LRMDA: variants seen among roughly 807,000 people sequenced by gnomAD.
LRMDA encodes the protein leucine-rich melanocyte differentiation-associated protein.
A neutral mutation model predicts 29.8 loss-of-function variants in LRMDA; 18 were observed. The ratio of observed to expected loss-of-function variants is 0.60; its 90% CI spans 0.42 to 0.90. The LOEUF (loss-of-function observed/expected upper bound fraction) is 0.90, where lower values mean the gene tolerates loss of function less well. Ranked by LOEUF, LRMDA falls within the 40% of genes least tolerant of loss-of-function variation. The pLI is 0.00. For missense variants in LRMDA, 273 were observed against 273.9 expected (o/e 1.00, Z 0.02); for synonymous variants, 125 against 109.4 (o/e 1.14, Z -0.89).
rs1291227122 is a variant in LRMDA at position 76,324,442 on chromosome 10, C to A, written c.558C>A (p.Tyr186Ter). 4 of 1,614,006 alleles carry A rather than the reference C, an allele frequency of 2.5e-6. No individual in the cohort carries two copies. The highest frequency in any genetic ancestry group is 1.7e-5 in the Admixed American group (1 of 59,998). Reference sequence around the variant, plus strand: ...TTGCCAGCTCCCCGGAGCGCCACTACACGCCCTTGCCTTCTGCTTCCAGGG... The same window carrying A: ...TTGCCAGCTCCCCGGAGCGCCACTAAACGCCCTTGCCTTCTGCTTCCAGGG... ...EDVASSPERH[Y>*]TPLPSASREL... The change falls in exon 6 of 7, where the codon TAC (tyrosine) becomes TAA (stop). Residue 186 changes from tyrosine (Y) to a stop codon, truncating the protein, a stop_gained. Transcript: ENST00000611255. LOFTEE classifies it high-confidence loss of function.
chr10:75,462,338 G>A lies in LRMDA; in HGVS notation c.131+23844G>A, dbSNP rs180964855. On this transcript the variant is annotated intron_variant, in intron 2 of 6. Coordinates refer to ENST00000611255, the MANE Select transcript of LRMDA (RefSeq NM_001305581.2). Reference sequence around the variant, plus strand: ...TAATTGACAAATGAGTGTCACAAATGTGAATTGGTGCCTTTACATCAGCGG... The same window carrying A: ...TAATTGACAAATGAGTGTCACAAATATGAATTGGTGCCTTTACATCAGCGG... Among the ~76,000 whole-genome samples, 5 of 152,314 alleles carry A rather than the reference G, an allele frequency of 3.3e-5. No homozygotes were observed. The South Asian group carries it at 6.2e-4, about 19-fold the overall frequency.
intron 2 of LRMDA, among the ~76,000 whole-genome samples, chr10:75,572,056 C>T (rs1441007427): frequency 1.3e-5 from 2 of 152,092 alleles, no homozygotes; most frequent in East Asian, 1.9e-4. Context: ...CGGGTTCAAG[C>T]GATTCTCTTG....
At chr10:76,130,994 A>G (rs1417002967) in intron 5 of LRMDA, among the ~76,000 whole-genome samples, 2 of 152,180 alleles carry the variant, frequency 1.3e-5, no homozygotes, top group Non-Finnish European at 2.9e-5. Flanking sequence ...ATGCAAGTGG[A>G]GTAATCTTCC....
chr10:76,406,574 G>A (rs763427969), intron 6 of LRMDA, among the ~76,000 whole-genome samples: 2 of 152,158 alleles, frequency 1.3e-5, no homozygotes, highest in Non-Finnish European at 2.9e-5. Flanking sequence ...AGGTGAAAAG[G>A]TGACCACAGT....
Position 75,841,040 on chromosome 10 carries a change from C to T in LRMDA, c.132-194968C>T, listed in dbSNP as rs149483061. ...ACATTGCCAGGGCTTTGTGACAGTG[C>T]TCATACATGCTGTAGCTCTGGGGTT... On this transcript the variant is annotated intron_variant, in intron 2 of 6. Coordinates refer to ENST00000611255, the MANE Select transcript of LRMDA (RefSeq NM_001305581.2). 3.5e-4 allele frequency among the ~76,000 whole-genome samples: 53 copies of T among 152,290 alleles called. No homozygotes were observed. In the East Asian group the frequency reaches 9.7e-3, roughly 28 times the overall value.
At chr10:75,875,006 G>C (rs1453244209) in intron 2 of LRMDA, among the ~76,000 whole-genome samples, 1 of 152,198 alleles carries the variant, frequency 6.6e-6, no homozygotes, top group Non-Finnish European at 1.5e-5. Context: ...TTCAGTCTCA[G>C]GGCCACATCG....
At chr10:76,372,220 A>T (rs987321498) in intron 6 of LRMDA, among the ~76,000 whole-genome samples, 3 of 152,142 alleles carry the variant, frequency 2.0e-5, no homozygotes, top group Non-Finnish European at 4.4e-5. Context: ...TGAGTACACT[A>T]CCAAAGTCCC....
chr10:76,476,099 A>G (rs1278479851), intron 6 of LRMDA, among the ~76,000 whole-genome samples: 4 of 152,128 alleles, frequency 2.6e-5, no homozygotes, highest in African/African-American at 9.7e-5. Flanking sequence ...CAAAAAATCA[A>G]TGAATCCAGG....
chr10:76,114,785 G>C (rs1036067143), intron 5 of LRMDA, among the ~76,000 whole-genome samples: 1 of 152,076 alleles, frequency 6.6e-6, no homozygotes, highest in South Asian at 2.1e-4. Flanking sequence ...TCCCATAATC[G>C]TAAGGCGCTG....
At chr10:76,295,768 GA>G (rs1840404064) in intron 5 of LRMDA, among the ~76,000 whole-genome samples, 1 of 152,108 alleles carries the variant, frequency 6.6e-6, no homozygotes, top group South Asian at 2.1e-4. Context: ...TCCACTTTCA[GA>G]TTCTCCCTTG....
At chr10:75,749,739 C>A (rs1842931251) in intron 2 of LRMDA, among the ~76,000 whole-genome samples, 1 of 151,560 alleles carries the variant, frequency 6.6e-6, no homozygotes, top group South Asian at 2.1e-4. Flanking sequence ...AACATGTGAA[C>A]AAGGGTCTCT....
intron 2 of LRMDA, among the ~76,000 whole-genome samples, chr10:75,726,135 C>T (rs778710346): frequency 2.6e-5 from 4 of 152,136 alleles, no homozygotes; most frequent in African/African-American, 9.7e-5. Context: ...ATAAAAGATG[C>T]CCTGTATGTG....
chr10:76,118,406 G>C (rs908113885), intron 5 of LRMDA, among the ~76,000 whole-genome samples: 2 of 152,126 alleles, frequency 1.3e-5, no homozygotes, highest in African/African-American at 4.8e-5. Flanking sequence ...AAGATATAGT[G>C]TGCTAATGTT....
chr10:76,000,399 A>C (rs1847542350), intron 2 of LRMDA, among the ~76,000 whole-genome samples: 2 of 152,126 alleles, frequency 1.3e-5, no homozygotes, highest in African/African-American at 4.8e-5. Context: ...TGGGGTGTGC[A>C]TCTGTGTGCA....
chr10:76,356,511 T>C (rs1841241897), intron 6 of LRMDA, among the ~76,000 whole-genome samples: 1 of 152,200 alleles, frequency 6.6e-6, no homozygotes, highest in African/African-American at 2.4e-5. Context: ...AAACCGTATT[T>C]TTTTTTAAAC....
intron 2 of LRMDA, among the ~76,000 whole-genome samples, chr10:75,692,425 A>G (rs868751312): frequency 1.3e-5 from 2 of 150,454 alleles, no homozygotes; most frequent in South Asian, 4.2e-4. Flanking sequence ...ATATGCATAT[A>G]TATATACACA....
intron 5 of LRMDA, among the ~76,000 whole-genome samples, chr10:76,323,846 G>A (rs74148423): frequency 8.5e-5 from 13 of 152,268 alleles, no homozygotes; most frequent in African/African-American, 3.1e-4. Context: ...AATTTCAGAC[G>A]TATTTCTCAC....
chr10:75,812,616 A>G (rs1239932298), intron 2 of LRMDA, among the ~76,000 whole-genome samples: 3 of 152,244 alleles, frequency 2.0e-5, no homozygotes, highest in Non-Finnish European at 2.9e-5. Context: ...GTATGGATTT[A>G]TAGTTAAATG....
At chr10:76,226,262 A>G (rs1851956066) in intron 5 of LRMDA, among the ~76,000 whole-genome samples, 1 of 152,128 alleles carries the variant, frequency 6.6e-6, no homozygotes. Context: ...GTGTGAGTGA[A>G]GGAGGAACTT....
Sources: gnomAD v4.1 joint callset for allele counts (sites outside exome capture counted in the v4.1 genomes callset) on GRCh38, gnomAD v4.1.1 for gene constraint, MANE v1.5 for transcripts, NCBI Gene and HGNC (gene_info 2026-07-23, HGNC 2026-07-21) for gene names.